Variants in MYT1L observed in about 807,000 individuals in gnomAD.
MYT1L encodes the protein myelin transcription factor 1-like protein.
MYT1L carries 12 observed loss-of-function variants against 126.7 expected under a neutral mutation model. The ratio of observed to expected loss-of-function variants is 0.09; its 90% CI spans 0.06 to 0.15. The LOEUF is 0.15. Among genes scored for constraint, MYT1L ranks in the 10% least tolerant of loss-of-function variants. The pLI, the probability that MYT1L is intolerant of heterozygous loss-of-function variation, is 1.00. For synonymous variants in MYT1L, 541 were observed against 604.2 expected (o/e 0.90, Z 1.53); for missense variants, 979 against 1,585.2 (o/e 0.62, Z 6.49).
chr2:2,299,325 G>A (rs115911186), intron 1 of MYT1L, among the ~76,000 whole-genome samples: 2,067 of 152,308 alleles, frequency 0.014, 35 homozygotes, highest in Non-Finnish European at 0.017. Flanking sequence ...GGTGCCTAGC[G>A]GCCCATGTGA....
At chr2:2,306,502 C>G (rs1017088170) in intron 1 of MYT1L, among the ~76,000 whole-genome samples, 1 of 152,148 alleles carries the variant, frequency 6.6e-6, no homozygotes, top group African/African-American at 2.4e-5. Context: ...CGCAGCAAAA[C>G]AGCTGGTCAC....
intron 2 of MYT1L, among the ~76,000 whole-genome samples, chr2:2,263,777 G>A (rs1191428777): frequency 1.3e-5 from 2 of 152,086 alleles, no homozygotes; most frequent in African/African-American, 4.8e-5. Context: ...CTAGTTGGAG[G>A]GGCCAGTGAC....
intron 20 of MYT1L, among the ~76,000 whole-genome samples, chr2:1,839,585 C>T (rs1052422674): frequency 6.6e-6 from 1 of 152,220 alleles, no homozygotes; most frequent in Admixed American, 6.5e-5. Context: ...GAAGGCCTGA[C>T]CCATTGCAGA....
intron 2 of MYT1L, among the ~76,000 whole-genome samples, chr2:2,247,528 A>G (rs2149192134): frequency 6.6e-6 from 1 of 152,302 alleles, no homozygotes; most frequent in Admixed American, 6.5e-5. Flanking sequence ...TATAGAACAA[A>G]ATGGACCTAA....
Position 2,117,774 on chromosome 2 carries a change from G to A in MYT1L, c.-304+55098C>T, listed in dbSNP as rs942861346. ...GAAACATACTAGAAATAAGAGCTGC[G>A]TCTCCACTAGATAGCAATGAGGAAG... On this transcript the variant is annotated intron_variant, in intron 3 of 24. Coordinates refer to ENST00000647738, the MANE Select transcript of MYT1L (RefSeq NM_001303052.2). 3.9e-5 allele frequency among the ~76,000 whole-genome samples: 6 copies of A among 152,028 alleles called. No homozygotes were observed. The South Asian group carries it at 6.2e-4, about 16-fold the overall frequency.
At chr2:1,936,415 T>C (rs576167158) in intron 9 of MYT1L, among the ~76,000 whole-genome samples, 2 of 152,358 alleles carry the variant, frequency 1.3e-5, no homozygotes, top group South Asian at 4.1e-4. Context: ...TGATTACTCA[T>C]TCCCAAGATG....
At chr2:2,120,353 C>G (rs1189094198) in intron 3 of MYT1L, among the ~76,000 whole-genome samples, 2 of 152,110 alleles carry the variant, frequency 1.3e-5, no homozygotes, top group African/African-American at 4.8e-5. Context: ...TCTCATAAGT[C>G]ACGTGCTGCT....
chr2:1,864,088 G>T (rs1420224704), intron 18 of MYT1L, among the ~76,000 whole-genome samples: 1 of 152,222 alleles, frequency 6.6e-6, no homozygotes, highest in East Asian at 1.9e-4. Flanking sequence ...TTCACAGCCT[G>T]ACATGGCCCA....
chr2:2,154,951 A>C (rs1285348234), intron 3 of MYT1L, among the ~76,000 whole-genome samples: 2 of 152,064 alleles, frequency 1.3e-5, no homozygotes, highest in Non-Finnish European at 2.9e-5. Context: ...ACATGGAGAG[A>C]CCTTATCTCT....
chr2:2,041,258 A>G (rs976184109), intron 4 of MYT1L, among the ~76,000 whole-genome samples: 11 of 152,202 alleles, frequency 7.2e-5, no homozygotes, highest in Non-Finnish European at 1.6e-4. Flanking sequence ...GAAGATTGTG[A>G]AATCGCCACA....
intron 1 of MYT1L, among the ~76,000 whole-genome samples, chr2:2,330,308 T>A (rs1346064305): frequency 6.6e-6 from 1 of 152,126 alleles, no homozygotes; most frequent in Non-Finnish European, 1.5e-5. Flanking sequence ...ATCTGTTCTC[T>A]ATATTTTATA....
At chr2:2,022,407 T>C (rs112999573) in intron 4 of MYT1L, among the ~76,000 whole-genome samples, 4 of 152,336 alleles carry the variant, frequency 2.6e-5, no homozygotes, top group African/African-American at 9.6e-5. Flanking sequence ...GTGTTTTCCT[T>C]GGCAGGCTCA....
intron 15 of MYT1L, 88 bp downstream of exon 15, chr2:1,891,949 C>A: frequency 1.4e-6 from 2 of 1,437,640 alleles, no homozygotes; most frequent in South Asian, 2.9e-5. Flanking sequence ...ATACAGCTGC[C>A]CCGAAAGCGC....
At chr2:2,175,432 G>A (rs2090620008) in intron 2 of MYT1L, among the ~76,000 whole-genome samples, 3 of 152,092 alleles carry the variant, frequency 2.0e-5, no homozygotes, top group Non-Finnish European at 4.4e-5. Flanking sequence ...GCTACTAGTG[G>A]AAATGGGTCA....
chr2:1,827,330 C>T (rs2039500311), intron 21 of MYT1L: 1 of 152,178 alleles, frequency 6.6e-6, no homozygotes, highest in Admixed American at 6.5e-5. Context: ...ACAGAGGGAC[C>T]CAGAGCTCAG....
intron 2 of MYT1L, among the ~76,000 whole-genome samples, chr2:2,267,791 G>C (rs1423270126): frequency 6.6e-6 from 1 of 152,068 alleles, no homozygotes; most frequent in Non-Finnish European, 1.5e-5. Context: ...TACAGTCAGG[G>C]ATGTGAAATT....
chr2:2,187,736 G>C (rs776977283), intron 2 of MYT1L, among the ~76,000 whole-genome samples: 9 of 151,972 alleles, frequency 5.9e-5, no homozygotes, highest in Non-Finnish European at 1.0e-4. Flanking sequence ...CTGTTTAGTT[G>C]GCCAATATAT....
At chr2:2,317,816 T>C (rs1033675298) in intron 1 of MYT1L, among the ~76,000 whole-genome samples, 3 of 152,074 alleles carry the variant, frequency 2.0e-5, no homozygotes, top group Admixed American at 2.0e-4. Context: ...ACCAAAATAA[T>C]CAGTAAAATG....
At chr2:2,107,313 C>T (rs767572205) in intron 3 of MYT1L, among the ~76,000 whole-genome samples, 8 of 152,216 alleles carry the variant, frequency 5.3e-5, no homozygotes, top group Non-Finnish European at 8.8e-5. Context: ...AAACCTGGCC[C>T]ACAGCCGACC....
Sources: gnomAD v4.1 joint callset for allele counts (sites outside exome capture counted in the v4.1 genomes callset) on GRCh38, gnomAD v4.1.1 for gene constraint, MANE v1.5 for transcripts, NCBI Gene and HGNC (gene_info 2026-07-23, HGNC 2026-07-21) for gene names.